Variants in DPP6 observed in about 807,000 individuals in gnomAD.
DPP6 encodes the protein A-type potassium channel modulatory protein DPP6.
Under a neutral mutation model 122.6 loss-of-function variants are expected in DPP6, and 69 were observed. The ratio of observed to expected loss-of-function variants is 0.56; its 90% CI spans 0.46 to 0.69. DPP6 has a LOEUF of 0.69. Among genes scored for constraint, DPP6 ranks in the 30% least tolerant of loss-of-function variants. The pLI, the probability that DPP6 is intolerant of heterozygous loss-of-function variation, is 0.00. For missense variants in DPP6, 928 were observed against 1,116.9 expected (o/e 0.83, Z 2.41); for synonymous variants, 418 against 433.1 (o/e 0.97, Z 0.43).
At chr7:153,771,628 CCA>C in the DPP6 span, among the ~76,000 whole-genome samples, 17 of 152,174 alleles carry the variant, frequency 1.1e-4, no homozygotes, top group Non-Finnish European at 1.0e-4. Flanking sequence ...GCATGAGCTA[CCA>C]CACCTGGCCC....
chr7:154,427,620 T>C (rs1818021162), intron 1 of DPP6, among the ~76,000 whole-genome samples: 1 of 152,328 alleles, frequency 6.6e-6, no homozygotes, highest in Non-Finnish European at 1.5e-5. Flanking sequence ...ACTGAATAGA[T>C]ATAAAGCCTA....
chr7:154,738,912 G>C (rs933718454), intron 8 of DPP6, among the ~76,000 whole-genome samples: 74 of 152,148 alleles, frequency 4.9e-4, no homozygotes, highest in African/African-American at 1.7e-3. Flanking sequence ...ACAGAACACT[G>C]CCTCTAATTT....
intron 10 of DPP6, among the ~76,000 whole-genome samples, chr7:154,787,325 T>TA (rs75156574): frequency 2.0e-5 from 3 of 152,224 alleles, no homozygotes; most frequent in Admixed American, 6.5e-5. Context: ...TGGGTTTTTT[T>TA]AAAAAAATGA....
At chr7:153,799,823 A>G in the DPP6 span, among the ~76,000 whole-genome samples, 1 of 152,350 alleles carries the variant, frequency 6.6e-6, no homozygotes, top group South Asian at 2.1e-4. Flanking sequence ...AATTATTAAT[A>G]CAATTTTACC....
intron 5 of DPP6, among the ~76,000 whole-genome samples, chr7:154,613,619 CAAAAAAAAAAAAAAA>C (rs749561005): frequency 5.0e-4 from 26 of 51,830 alleles, no homozygotes; most frequent in South Asian, 2.2e-3. Flanking sequence ...GACTCTGTCT[CAAAAAAAAAAAAAAA>C]AAAAAAAAAA....
intron 2 of DPP6, among the ~76,000 whole-genome samples, chr7:154,463,309 G>A (rs1438861965): frequency 1.4e-5 from 2 of 140,658 alleles, no homozygotes; most frequent in Non-Finnish European, 1.5e-5. Flanking sequence ...CCGGGTTCAC[G>A]CCATTCTCCT....
chr7:154,737,969 CA>C (rs143710104), intron 8 of DPP6, among the ~76,000 whole-genome samples: 3,414 of 152,298 alleles, frequency 0.022, 71 homozygotes, highest in South Asian at 0.048. Context: ...CAAAGTTAAA[CA>C]AGAGCGCTTC....
At chr7:154,710,200 C>A (rs1041454559) in intron 7 of DPP6, among the ~76,000 whole-genome samples, 1 of 152,212 alleles carries the variant, frequency 6.6e-6, no homozygotes, top group Non-Finnish European at 1.5e-5. Context: ...CTCTCAGGAG[C>A]CAGGGGCATG....
intron 9 of DPP6, among the ~76,000 whole-genome samples, chr7:154,771,981 T>G (rs1053187065): frequency 6.6e-6 from 1 of 152,130 alleles, no homozygotes; most frequent in Non-Finnish European, 1.5e-5. Flanking sequence ...AACCCAGAGA[T>G]GAATGGTTCC....
chr7:154,859,010 T>C (rs1803077424), intron 17 of DPP6, among the ~76,000 whole-genome samples: 1 of 152,168 alleles, frequency 6.6e-6, no homozygotes, highest in South Asian at 2.1e-4. Flanking sequence ...CAGGCGCTCT[T>C]GACTGTGGGC....
chr7:154,019,991 A>G (rs1454628318), intron 1 of DPP6, among the ~76,000 whole-genome samples: 1 of 152,002 alleles, frequency 6.6e-6, no homozygotes, highest in East Asian at 1.9e-4. Flanking sequence ...GTGGAATCTC[A>G]CCCCATGCTG....
intron 8 of DPP6, among the ~76,000 whole-genome samples, chr7:154,745,285 C>T (rs1317788028): frequency 2.6e-5 from 4 of 152,180 alleles, no homozygotes; most frequent in South Asian, 2.1e-4. Context: ...GTCAAGGCTC[C>T]GCACGTCCCA....
intron 1 of DPP6, among the ~76,000 whole-genome samples, chr7:153,968,460 T>C (rs1795862828): frequency 6.6e-6 from 1 of 152,134 alleles, no homozygotes; most frequent in Admixed American, 6.5e-5. Context: ...ATCAGACCTT[T>C]TGTGAAAAAT....
chr7:154,587,920 A>G (rs2130711645), intron 5 of DPP6: 1 of 1,612,920 alleles, frequency 6.2e-7, no homozygotes, highest in East Asian at 2.2e-5. Context: ...CCCAGGAGGC[A>G]GGACTGCCAA....
In DPP6 at chr7:154,055,980, G is replaced by A. The variant is rs187571035; in HGVS notation, c.243+2917G>A. The A allele has an allele frequency of 4.3e-4, 65 of 152,314 alleles. 1 individual carries two copies. Among genetic ancestry groups the A allele is most frequent in the African/African-American group, 1.6e-3 (65 of 41,568 alleles). 9.4% of individuals were successfully genotyped at this position (152,314 alleles called of 1,614,324 possible). On this transcript the variant is annotated intron_variant, in intron 1 of 25. Transcript: ENST00000377770. ...TCTGTGCATGTGTGTACACCTACATGCCTGAGCATGACTGAGAATGGGCAA... is the reference window on the plus strand; with the variant it reads ...TCTGTGCATGTGTGTACACCTACATACCTGAGCATGACTGAGAATGGGCAA...
chr7:154,582,592 T>C (rs143285938), intron 5 of DPP6, among the ~76,000 whole-genome samples: 23 of 152,340 alleles, frequency 1.5e-4, no homozygotes, highest in Non-Finnish European at 1.5e-4. Flanking sequence ...TGTCAAGGTT[T>C]CCTGGCTTCT....
At chr7:154,440,800 A>G (rs1474551813) in intron 1 of DPP6, among the ~76,000 whole-genome samples, 2 of 152,142 alleles carry the variant, frequency 1.3e-5, no homozygotes, top group Non-Finnish European at 2.9e-5. Context: ...GCCTTTAGCT[A>G]AGGGACATAG....
intron 1 of DPP6, among the ~76,000 whole-genome samples, chr7:154,416,298 C>G (rs1373859899): frequency 3.9e-5 from 6 of 152,084 alleles, no homozygotes; most frequent in African/African-American, 1.4e-4. Flanking sequence ...GCAGATGATC[C>G]TGCTTCTAAC....
chr7:153,760,403 A>G, the DPP6 span, among the ~76,000 whole-genome samples: 1 of 152,136 alleles, frequency 6.6e-6, no homozygotes, highest in Non-Finnish European at 1.5e-5. Flanking sequence ...GCCATCCTTG[A>G]ATGAGATTTG....
Sources: gnomAD v4.1 joint callset for allele counts (sites outside exome capture counted in the v4.1 genomes callset) on GRCh38, gnomAD v4.1.1 for gene constraint, MANE v1.5 for transcripts, NCBI Gene and HGNC (gene_info 2026-07-23, HGNC 2026-07-21) for gene names.